Variants in AHCTF1 observed in about 807,000 individuals in gnomAD.
AHCTF1 encodes AT-hook containing transcription factor 1.
AHCTF1 carries 24 observed loss-of-function variants against 248.4 expected under a neutral mutation model. The observed-to-expected ratio is 0.10, with a 90% CI of 0.07 to 0.14. The LOEUF (loss-of-function observed/expected upper bound fraction) is 0.14. Among genes scored for constraint, AHCTF1 ranks in the 10% least tolerant of loss-of-function variants. The probability of loss-of-function intolerance (pLI) is 1.00; values close to 1 mark genes in which losing one functional copy is unlikely to be tolerated. For missense variants in AHCTF1, 2,206 were observed against 2,636.2 expected, an observed-to-expected ratio of 0.84 and a Z score of 3.57; for synonymous variants, 786 against 929.8, an observed-to-expected ratio of 0.85 and a Z score of 2.81.
intron 19 of AHCTF1, 81 bp downstream of exon 19, chr1:246,888,096 A>G: frequency 6.9e-7 from 1 of 1,459,788 alleles, no homozygotes; most frequent in Non-Finnish European, 9.4e-7. Flanking sequence ...CCTTGCAATT[A>G]GATATGTCAG....
intron 4 of AHCTF1, among the ~76,000 whole-genome samples, chr1:246,908,902 GAAA>G (rs1240803447): frequency 2.4e-5 from 2 of 84,034 alleles, no homozygotes; most frequent in Admixed American, 1.2e-4. Flanking sequence ...CGTCTCAAAA[GAAA>G]AAAAAAAAAA....
intron 33 of AHCTF1, among the ~76,000 whole-genome samples, chr1:246,848,497 G>A (rs190937167): frequency 1.3e-5 from 2 of 151,370 alleles, no homozygotes; most frequent in Admixed American, 6.6e-5. Context: ...CACCGTGACC[G>A]GCCAAGTCAT....
intron 1 of AHCTF1, among the ~76,000 whole-genome samples, chr1:246,929,338 G>A (rs945433478): frequency 1.3e-5 from 2 of 152,194 alleles, no homozygotes; most frequent in African/African-American, 4.8e-5. Flanking sequence ...GAGCCCTGGA[G>A]GCGAAGGTTG....
chr1:246,883,603 T>C (rs1407069986), intron 21 of AHCTF1, among the ~76,000 whole-genome samples: 1 of 152,246 alleles, frequency 6.6e-6, no homozygotes, highest in Non-Finnish European at 1.5e-5. Flanking sequence ...ACCTGCACTT[T>C]CAACAGTGTT....
intron 4 of AHCTF1, 62 bp from the exon 5 acceptor site, chr1:246,907,820 G>A: frequency 2.2e-6 from 3 of 1,375,130 alleles, no homozygotes; most frequent in Non-Finnish European, 3.0e-6. Context: ...AAGCAAATAT[G>A]TCATCCATTA....
intron 26 of AHCTF1, chr1:246,864,339 A>T: frequency 2.2e-6 from 1 of 450,164 alleles, no homozygotes; most frequent in Non-Finnish European, 3.8e-6. Context: ...ATTTTTAAAA[A>T]GAGTTTGCGT....
intron 33 of AHCTF1, among the ~76,000 whole-genome samples, chr1:246,849,264 G>A (rs1660518950): frequency 6.6e-6 from 1 of 152,076 alleles, no homozygotes; most frequent in African/African-American, 2.4e-5. Flanking sequence ...ATATCACTGG[G>A]GTGTGAGCCA....
Position 246,885,828 on chromosome 1 carries a change from G to C in AHCTF1, c.2473-148C>G, listed in dbSNP as rs1415974102. 17 of 708,390 alleles carry C rather than the reference G, an allele frequency of 2.4e-5. No individual in the cohort carries two copies. The Admixed American group carries it at 2.4e-4, about 10-fold the overall frequency. The allele number at this position is 708,390 out of a possible 1,614,324, so 43.9% of individuals were successfully genotyped here. ...AATCTACTTTAATCTGTGCTATATAGAGTTGGCTCTCAGTATCTACAGGAT... is the reference window on the plus strand; with the variant it reads ...AATCTACTTTAATCTGTGCTATATACAGTTGGCTCTCAGTATCTACAGGAT... On this transcript the variant is annotated intron_variant, in intron 20 of 35. Transcript: ENST00000648844.
intron 12 of AHCTF1, among the ~76,000 whole-genome samples, chr1:246,896,551 G>C (rs537525250): frequency 1.3e-5 from 2 of 152,286 alleles, no homozygotes; most frequent in East Asian, 3.9e-4. Flanking sequence ...AGGCTGGGTA[G>C]GATGGGGCAG....
rs184265883 is a variant in AHCTF1, at chr1:246,881,531, T to A, written c.2660+3962A>T. On this transcript the variant is annotated intron_variant, in intron 21 of 35. Coordinates refer to ENST00000648844, the MANE Select transcript of AHCTF1 (RefSeq NM_001323342.2). Reference sequence around the variant, plus strand: ...GGTAAATCAAGTCTTACCAAAAAAATTTTTTTTAAATAGAAGCAGGGTCAG... The same window carrying A: ...GGTAAATCAAGTCTTACCAAAAAAAATTTTTTTAAATAGAAGCAGGGTCAG... Among the ~76,000 whole-genome samples the A allele has an allele frequency of 8.3e-3, 1,269 of 152,096 alleles. 44 individuals are homozygous for A. The highest frequency in any genetic ancestry group is 0.048 in the Admixed American group (731 of 15,260).
chr1:246,897,734 A>C (rs1664687642), intron 12 of AHCTF1, among the ~76,000 whole-genome samples: 1 of 152,010 alleles, frequency 6.6e-6, no homozygotes, highest in Non-Finnish European at 1.5e-5. Flanking sequence ...TAATTTCAGC[A>C]CTTTGGGATG....
chr1:246,849,574 T>G (rs1325208441), intron 33 of AHCTF1, 41 bp downstream of exon 33: 1 of 1,550,648 alleles, frequency 6.4e-7, no homozygotes, highest in African/African-American at 1.4e-5. Flanking sequence ...AGCTGAAGAG[T>G]GACTGAGATG....
chr1:246,842,678 G>A lies in AHCTF1; in HGVS notation c.6608+16C>T. 3 of 1,610,116 alleles carry A rather than the reference G, an allele frequency of 1.9e-6. No individual in the cohort carries two copies. The highest frequency in any genetic ancestry group is 2.5e-6 in the Non-Finnish European group (3 of 1,177,992). ...TCAATCAATCAATCAATCAAGAACAGAACAGAAAGTCATACTTGCTTGCTT... is the reference window on the plus strand; with the variant it reads ...TCAATCAATCAATCAATCAAGAACAAAACAGAAAGTCATACTTGCTTGCTT... On this transcript the variant is annotated intron_variant, in intron 35 of 35. Coordinates refer to ENST00000648844, the MANE Select transcript of AHCTF1 (RefSeq NM_001323342.2).
intron 4 of AHCTF1, among the ~76,000 whole-genome samples, chr1:246,911,541 T>A (rs1572455924): frequency 7.1e-6 from 1 of 141,616 alleles, no homozygotes; most frequent in Non-Finnish European, 1.5e-5. Context: ...TGGAATGCAA[T>A]GGCGCAATCT....
At chr1:246,903,759 A>AT (rs1223550403) in intron 7 of AHCTF1, among the ~76,000 whole-genome samples, 190 bp downstream of exon 7, 2 of 150,946 alleles carry the variant, frequency 1.3e-5, no homozygotes, top group Non-Finnish European at 2.9e-5. Context: ...AATTGCTTGA[A>AT]TCCGGGTGGC....
intron 2 of AHCTF1, among the ~76,000 whole-genome samples, chr1:246,916,601 C>A (rs982371646): frequency 2.0e-5 from 3 of 152,066 alleles, no homozygotes; most frequent in African/African-American, 4.8e-5. Context: ...TTGGAGTAAG[C>A]CGAGATCATG....
At chr1:246,862,296 C>A in intron 27 of AHCTF1, 143 bp from the exon 28 acceptor site, 4 of 478,696 alleles carry the variant, frequency 8.4e-6, no homozygotes, top group Non-Finnish European at 1.4e-5. Flanking sequence ...CTGGCTAACA[C>A]GGTGAAACCC....
chr1:246,856,409 A>G (rs1020435917), intron 30 of AHCTF1, among the ~76,000 whole-genome samples: 9 of 152,258 alleles, frequency 5.9e-5, no homozygotes, highest in Admixed American at 2.6e-4. Flanking sequence ...AGTAAATTCA[A>G]TAAAAAGGTA....
chr1:246,866,750 C>T (rs2103078010), intron 26 of AHCTF1, among the ~76,000 whole-genome samples: 1 of 152,238 alleles, frequency 6.6e-6, no homozygotes, highest in East Asian at 1.9e-4. Flanking sequence ...CACTTTTCAA[C>T]TAACCAATGC....
Sources: allele counts gnomAD v4.1 joint callset (sites outside exome capture counted in the v4.1 genomes callset), GRCh38; gene constraint gnomAD v4.1.1; transcripts MANE v1.5; gene names NCBI Gene and HGNC (gene_info 2026-07-23, HGNC 2026-07-21).